The following LFNG variants were observed in gnomAD, a reference collection of about 807,000 sequenced individuals.
LFNG encodes beta-1,3-N-acetylglucosaminyltransferase lunatic fringe.
LFNG carries 15 observed loss-of-function variants against 32.7 expected under a neutral mutation model. That is an observed-to-expected ratio of 0.46 (90% CI 0.31 to 0.71). The LOEUF is 0.71. Ranked by LOEUF, LFNG falls within the 30% of genes least tolerant of loss-of-function variation. LFNG has a pLI of 0.06. For synonymous variants in LFNG, 274 were observed against 246.8 expected (o/e 1.11, Z -1.03); for missense variants, 520 against 545.7 (o/e 0.95, Z 0.47).
chr7:2,512,749 C>T, intron 1 of LFNG: 1 of 1,580,096 alleles, frequency 6.3e-7, no homozygotes, highest in African/African-American at 1.3e-5. Flanking sequence ...TCAGAGCCGT[C>T]CCTCTTGCTC....
In LFNG at chr7:2,526,968, G is replaced by T. The variant is rs1266945450; in HGVS notation, c.1073+47G>T. The T allele has an allele frequency of 1.3e-6, 2 of 1,555,226 alleles. No individual in the cohort carries two copies. The highest frequency in any genetic ancestry group is 8.8e-7 in the Non-Finnish European group (1 of 1,130,610). On this transcript the variant is annotated intron_variant, in intron 7 of 7. Coordinates refer to ENST00000222725, the MANE Select transcript of LFNG (RefSeq NM_001040167.2). This position sits in a 1 kb window ranked among gnomAD's most constrained non-coding sequence, Gnocchi z 6.9. Reference sequence around the variant, plus strand: ...TGGGCTTGCGTAGGGTGGCCTAGGGGCGTCAGGGGGCCTCGTGGAGCTGCA... The same window carrying T: ...TGGGCTTGCGTAGGGTGGCCTAGGGTCGTCAGGGGGCCTCGTGGAGCTGCA...
chr7:2,522,572 G>GCCCCC (rs1779824066), intron 1 of LFNG, among the ~76,000 whole-genome samples: 3 of 151,480 alleles, frequency 2.0e-5, no homozygotes, highest in Admixed American at 6.6e-5. Context: ...GGTGTCCCCC[G>GCCCCC]GCCCCCGCCC....
chr7:2,527,409 G>A lies in LFNG; in HGVS notation c.*197G>A, dbSNP rs570412528. ...GGGCAGTTCTGCTCTGTGGAGGGGCGGGCACCAGCGCCACTTATGTGCCTC... is the reference window on the plus strand; with the variant it reads ...GGGCAGTTCTGCTCTGTGGAGGGGCAGGCACCAGCGCCACTTATGTGCCTC... On this transcript the variant is annotated 3_prime_UTR_variant, in exon 8 of 8. Coordinates refer to ENST00000222725, the MANE Select transcript of LFNG (RefSeq NM_001040167.2). This position sits in a 1 kb window ranked among gnomAD's most constrained non-coding sequence, Gnocchi z 4.4. 6.6e-4 allele frequency: 969 copies of A among 1,462,754 alleles called. 6 individuals carry two copies. The African/African-American group carries it at 0.012, about 18-fold the overall frequency. The allele number at this position is 1,462,754 out of a possible 1,614,324, so 90.6% of individuals were successfully genotyped here.
Position 2,527,011 on chromosome 7 carries a change from G to C in LFNG, c.1073+90G>C, listed in dbSNP as rs890099700. The stretch of plus-strand genomic sequence containing the variant: ...GAGCTGCAGCAGGGTCTCTCTAAGC[G>C]GCATGACTCTACATAGAGGTGTCCC... On this transcript the variant is annotated intron_variant, in intron 7 of 7. Coordinates refer to ENST00000222725, the MANE Select transcript of LFNG (RefSeq NM_001040167.2). The surrounding 1 kb of genome is among the most constrained non-coding windows in gnomAD (Gnocchi z 4.4). 2 of 1,431,208 alleles carry C rather than the reference G, an allele frequency of 1.4e-6. No homozygotes were observed. Among genetic ancestry groups the C allele is most frequent in the Non-Finnish European group, 2.0e-6 (2 of 1,025,544 alleles). 88.7% of individuals were successfully genotyped at this position (1,431,208 alleles called of 1,614,324 possible).
chr7:2,513,301 G>A (rs747930822), upstream of LFNG: 6 of 1,609,176 alleles, frequency 3.7e-6, no homozygotes, highest in Middle Eastern at 1.7e-4. Context: ...CAGCTCTCAG[G>A]TCCTACGGAG....
chr7:2,516,448 C>T (rs2128373788), upstream of LFNG, among the ~76,000 whole-genome samples: 1 of 152,344 alleles, frequency 6.6e-6, no homozygotes, highest in East Asian at 1.9e-4. Context: ...GAGCCCTTCC[C>T]CTCTAGGCCT....
rs141230951 is a variant in LFNG at position 2,526,540 on chromosome 7, G to A, written c.987+131G>A. The stretch of plus-strand genomic sequence containing the variant: ...CAGGCAGCACTCCACTGTCAGCCAG[G>A]GGGGGTCACTCCTGCCATGAGCTCA... On this transcript the variant is annotated intron_variant, in intron 6 of 7. Transcript: ENST00000222725. The surrounding 1 kb of genome is among the most constrained non-coding windows in gnomAD (Gnocchi z 6.9). 5.0e-6 allele frequency: 5 copies of A among 1,006,958 alleles called. No homozygotes were observed. The highest frequency in any genetic ancestry group is 2.8e-5 in the South Asian group (2 of 70,296). The allele number at this position is 1,006,958 out of a possible 1,614,324, so 62.4% of individuals were successfully genotyped here.
At chr7:2,528,519 G>T (rs1780067041), downstream of LFNG, 11 of 671,716 alleles carry the variant, frequency 1.6e-5, no homozygotes, top group Middle Eastern at 2.1e-3. Context: ...GGGAGGCTTG[G>T]CCTTGGGTGC....
At chr7:2,517,392 C>A (rs770233424), upstream of LFNG, among the ~76,000 whole-genome samples, 1 of 152,162 alleles carries the variant, frequency 6.6e-6, no homozygotes. Context: ...TACAGAGAGA[C>A]GCGGGAACCC....
rs1020662005 is a variant in LFNG at position 2,526,062 on chromosome 7, A to G, written c.822-182A>G. ...CCCTCCACAGAGAGCCACGGAGCACAGGAGCTGTGCAGGGAGTGTGCCCTG... is the reference window on the plus strand; with the variant it reads ...CCCTCCACAGAGAGCCACGGAGCACGGGAGCTGTGCAGGGAGTGTGCCCTG... On this transcript the variant is annotated intron_variant, in intron 5 of 7. Transcript: ENST00000222725. The surrounding 1 kb of genome is among the most constrained non-coding windows in gnomAD (Gnocchi z 6.9). Among the ~76,000 whole-genome samples, 2 of 152,018 alleles carry G rather than the reference A, an allele frequency of 1.3e-5. No individual in the cohort carries two copies. Among genetic ancestry groups the G allele is most frequent in the East Asian group, 3.9e-4 (2 of 5,164 alleles).
In LFNG at chr7:2,527,414, C is replaced by G; in HGVS notation, c.*202C>G. 6.8e-7 allele frequency: 1 copy of G among 1,460,160 alleles called. No homozygotes were observed. The highest frequency in any genetic ancestry group is 1.4e-5 in the South Asian group (1 of 73,186). The allele number at this position is 1,460,160 out of a possible 1,614,324, so 90.5% of individuals were successfully genotyped here. ...GTTCTGCTCTGTGGAGGGGCGGGCA[C>G]CAGCGCCACTTATGTGCCTCTGCTC... On this transcript the variant is annotated 3_prime_UTR_variant, in exon 8 of 8. Transcript: ENST00000222725. This position sits in a 1 kb window ranked among gnomAD's most constrained non-coding sequence, Gnocchi z 4.4.
In LFNG at chr7:2,520,279, C is replaced by T. The variant is rs866054060; in HGVS notation, c.418C>T (p.Arg140Cys). The T allele has an allele frequency of 2.5e-6, 4 of 1,609,560 alleles. No individual in the cohort carries two copies. The highest frequency in any genetic ancestry group is 4.5e-5 in the East Asian group (2 of 44,398). ...CCTGCTGCTGGAGACCTGGATCTCGCGCCACAAGGAGATGGTGAGCCCCCC... is the reference window on the plus strand; with the variant it reads ...CCTGCTGCTGGAGACCTGGATCTCGTGCCACAAGGAGATGGTGAGCCCCCC... The part of the protein sequence containing the change: ...LDLLLETWIS[R>C]HKEMTFIFTD... The change falls in exon 1 of 8, where the codon CGC (arginine) becomes TGC (cysteine). Residue 140 changes from arginine to cysteine, a missense_variant. Around this residue, in one of 3 missense-constraint regions of LFNG, gnomAD observed 360 missense variants for 354.7 expected, o/e 1.01. Transcript: ENST00000222725. This position sits in a 1 kb window ranked among gnomAD's most constrained non-coding sequence, Gnocchi z 5.0.
upstream of LFNG, chr7:2,513,181 C>G: frequency 6.2e-7 from 1 of 1,613,802 alleles, no homozygotes; most frequent in Non-Finnish European, 8.5e-7. Flanking sequence ...GGGCATGGAG[C>G]AAATGCTCAG....
downstream of LFNG, chr7:2,529,070 A>C (rs1171941050): frequency 1.2e-5 from 5 of 409,398 alleles, no homozygotes; most frequent in Non-Finnish European, 2.2e-5. This position sits in a 1 kb window ranked among gnomAD's most constrained non-coding sequence, Gnocchi z 4.2. Flanking sequence ...AGTCCTGGAG[A>C]GCAGGAGCAG....
In LFNG at chr7:2,525,758, G is replaced by A. The variant is rs201047985; in HGVS notation, c.809G>A (p.Ser270Asn). Reference protein sequence around the residue: ...CISRGLALKMSPWASGGHFMN... With the variant: ...CISRGLALKMNPWASGGHFMN... ...AGCCGTGGGCTGGCTCTGAAGATGA[G>A]CCCGTGGGCCAGGTGAGTGCCCTGC... Residue 270 changes from serine (S) to asparagine (N), a missense_variant, in exon 5 of 8, where the codon AGC (serine) becomes AAC (asparagine). Coordinates refer to ENST00000222725, the MANE Select transcript of LFNG (RefSeq NM_001040167.2). 1.2e-6 allele frequency: 2 copies of A among 1,611,818 alleles called. No individual in the cohort carries two copies. The highest frequency in any genetic ancestry group is 1.7e-6 in the Non-Finnish European group (2 of 1,179,944).
chr7:2,513,021 TG>T, upstream of LFNG: 1 of 813,878 alleles, frequency 1.2e-6, no homozygotes, highest in Non-Finnish European at 2.0e-6. Context: ...CATCTTTTCC[TG>T]GAAGACTTTC....
chr7:2,515,711 TACAGAGTCAAGTA>T (rs1240963576), upstream of LFNG, among the ~76,000 whole-genome samples: 1 of 152,218 alleles, frequency 6.6e-6, no homozygotes, highest in Non-Finnish European at 1.5e-5. Context: ...ATATCCCTAT[TACAGAGTCAAGTA>T]ACGTCCCAAG....
Position 2,526,991 on chromosome 7 carries a change from G to A in LFNG, c.1073+70G>A. On this transcript the variant is annotated intron_variant, in intron 7 of 7. Coordinates refer to ENST00000222725, the MANE Select transcript of LFNG (RefSeq NM_001040167.2). The surrounding 1 kb of genome is among the most constrained non-coding windows in gnomAD (Gnocchi z 6.9). Reference sequence around the variant, plus strand: ...GGGCGTCAGGGGGCCTCGTGGAGCTGCAGCAGGGTCTCTCTAAGCGGCATG... The same window carrying A: ...GGGCGTCAGGGGGCCTCGTGGAGCTACAGCAGGGTCTCTCTAAGCGGCATG... 2.7e-6 allele frequency: 4 copies of A among 1,483,074 alleles called. No individual in the cohort carries two copies. Among genetic ancestry groups the A allele is most frequent in the Non-Finnish European group, 3.7e-6 (4 of 1,068,812 alleles). The allele number at this position is 1,483,074 out of a possible 1,614,324, so 91.9% of individuals were successfully genotyped here. A position where few individuals can be genotyped will look rare whatever the true frequency, so the allele number is the denominator to read the frequency against.
At chr7:2,516,827 G>A (rs938940080), upstream of LFNG, among the ~76,000 whole-genome samples, 1 of 152,228 alleles carries the variant, frequency 6.6e-6, no homozygotes, top group Non-Finnish European at 1.5e-5. Context: ...TGGATGGTAT[G>A]TCATCCTTGT....
Sources: allele counts gnomAD v4.1 joint callset (sites outside exome capture counted in the v4.1 genomes callset), GRCh38; gene constraint gnomAD v4.1.1; regional missense constraint gnomAD v4.1.1; non-coding constraint Gnocchi (gnomAD v3.1); transcripts MANE v1.5; gene names NCBI Gene and HGNC (gene_info 2026-07-23, HGNC 2026-07-21).